SGSM1: variants seen among roughly 807,000 people sequenced by gnomAD.
The protein encoded by SGSM1 is RUN and TBC1 domain containing 2.
SGSM1 carries 73 observed loss-of-function variants against 133.8 expected under a neutral mutation model. The observed-to-expected ratio is 0.55, with a 90% confidence interval of 0.45 to 0.66. The LOEUF (loss-of-function observed/expected upper bound fraction) is 0.66. SGSM1 is among the 30% of genes least tolerant of loss of function. The pLI, the probability that SGSM1 is intolerant of heterozygous loss-of-function variation, is 0.00. For missense variants in SGSM1, 1,213 were observed against 1,448.1 expected (o/e 0.84, Z 2.64); for synonymous variants, 563 against 573.0 (o/e 0.98, Z 0.25).
intron 2 of SGSM1, among the ~76,000 whole-genome samples, chr22:24,840,171 C>T (rs559989228): frequency 6.6e-6 from 1 of 152,058 alleles, no homozygotes; most frequent in Non-Finnish European, 1.5e-5. Flanking sequence ...GTCTCGATCT[C>T]CTGACCTCGT....
At chr22:24,913,481 G>A (rs139766) in intron 22 of SGSM1, among the ~76,000 whole-genome samples, 63,404 of 151,702 alleles carry the variant, frequency 0.42, 13,750 homozygotes, top group East Asian at 0.7. Context: ...CATAGCGATT[G>A]GTATATCTAC....
chr22:24,851,421 G>A (rs1418130797), intron 5 of SGSM1, among the ~76,000 whole-genome samples: 1 of 130,664 alleles, frequency 7.7e-6, no homozygotes, highest in Non-Finnish European at 1.6e-5. Flanking sequence ...GCCCCCAAGA[G>A]GTGGCAGGAA....
chr22:24,882,367 G>A (rs938108341), intron 14 of SGSM1, among the ~76,000 whole-genome samples: 2 of 151,986 alleles, frequency 1.3e-5, no homozygotes, highest in South Asian at 2.1e-4. Flanking sequence ...ACTGTGCCCC[G>A]CCCTGTTTTT....
chr22:24,900,196 A>AT (rs1245779357), intron 19 of SGSM1, among the ~76,000 whole-genome samples: 1 of 151,456 alleles, frequency 6.6e-6, no homozygotes, highest in Non-Finnish European at 1.5e-5. Flanking sequence ...AATTTTTTGT[A>AT]TTTTTTATAG....
intron 2 of SGSM1, among the ~76,000 whole-genome samples, chr22:24,823,516 A>C (rs1928607900): frequency 6.6e-6 from 1 of 151,990 alleles, no homozygotes; most frequent in Non-Finnish European, 1.5e-5. Context: ...CAGGAGAATG[A>C]CGGGAACCTG....
chr22:24,907,276 T>C (rs994356372), intron 21 of SGSM1, among the ~76,000 whole-genome samples: 1 of 122,782 alleles, frequency 8.1e-6, no homozygotes, highest in Non-Finnish European at 1.5e-5. Context: ...AATAAATAAA[T>C]AAATAAATAA....
In SGSM1 at chr22:24,889,921, G is replaced by A. The variant is rs188817376; in HGVS notation, c.1770+3193G>A. 2.0e-5 allele frequency among the ~76,000 whole-genome samples: 3 copies of A among 148,522 alleles called. No individual in the cohort carries two copies. The Admixed American group carries it at 2.0e-4, about 10-fold the overall frequency. ...CCACTTTGGCCTCCCAAAGTGCTGG[G>A]ATTATAGGCGTGAGCCACCGGGCCT... On this transcript the variant is annotated intron_variant, in intron 16 of 24. Coordinates refer to ENST00000400358, the MANE Select transcript of SGSM1 (RefSeq NM_001098497.3).
At chr22:24,818,261 C>T (rs77995408) in intron 2 of SGSM1, among the ~76,000 whole-genome samples, 6 of 149,256 alleles carry the variant, frequency 4.0e-5, no homozygotes, top group Admixed American at 2.6e-4. Flanking sequence ...TAAAATAAAA[C>T]AAACAAAAAA....
At chr22:24,862,285 A>G (rs1931201487) in intron 9 of SGSM1, among the ~76,000 whole-genome samples, 1 of 152,082 alleles carries the variant, frequency 6.6e-6, no homozygotes, top group Admixed American at 6.5e-5. Flanking sequence ...GGCGACCATC[A>G]TGGAAGAATA....
rs1452944242 is a variant in SGSM1 at position 24,919,965 on chromosome 22, T to A, written c.3165T>A (p.Asp1055Glu). 6.2e-7 allele frequency: 1 copy of A among 1,611,246 alleles called. No homozygotes were observed. Among genetic ancestry groups the A allele is most frequent in the African/African-American group, 1.3e-5 (1 of 74,924 alleles). Residue 1055 changes from aspartate (D) to glutamate (E), a missense_variant, in exon 24 of 25, where the codon GAT (aspartate) becomes GAA (glutamate). Physicochemically the swap from Asp to Glu is conservative, Grantham distance 45 (BLOSUM62 2). Coordinates refer to ENST00000400358, the MANE Select transcript of SGSM1 (RefSeq NM_001098497.3). ...ACATCATTTTGGAGAACAACATGGA[T>A]TTCACAGACATCATCAAATTCTTTA... ...YRDIILENNM[D>E]FTDIIKFFNE... is the part of the protein sequence containing the mutation.
chr22:24,806,912 A>G (rs1353383511), intron 2 of SGSM1, among the ~76,000 whole-genome samples: 2 of 152,086 alleles, frequency 1.3e-5, no homozygotes, highest in East Asian at 3.9e-4. Context: ...GGCACGCTTC[A>G]GGAAAAGGCA....
In SGSM1 at chr22:24,859,907, C is replaced by T. The variant is rs967524736; in HGVS notation, c.926+67C>T. 12 of 1,595,592 alleles carry T rather than the reference C, an allele frequency of 7.5e-6. No individual in the cohort carries two copies. The African/African-American group carries it at 1.3e-4, about 18-fold the overall frequency. On this transcript the variant is annotated intron_variant, in intron 9 of 24. Coordinates refer to ENST00000400358, the MANE Select transcript of SGSM1 (RefSeq NM_001098497.3). Reference sequence around the variant, plus strand: ...CTCGCCTTGGCACAAGGAAGTTCCTCCCCGGGGGAGGGGAGGTTTGTATCC... The same window carrying T: ...CTCGCCTTGGCACAAGGAAGTTCCTTCCCGGGGGAGGGGAGGTTTGTATCC...
chr22:24,815,720 G>C (rs1928028262), intron 2 of SGSM1, among the ~76,000 whole-genome samples: 1 of 152,062 alleles, frequency 6.6e-6, no homozygotes, highest in Non-Finnish European at 1.5e-5. Context: ...GAGGGCGAAA[G>C]AGTGAGACTG....
chr22:24,806,261 CGGA>C lies in SGSM1; in HGVS notation c.-60_-58del. 7.3e-7 allele frequency: 1 copy of C among 1,366,258 alleles called. No homozygotes were observed. The highest frequency in any genetic ancestry group is 9.4e-7 in the Non-Finnish European group (1 of 1,062,822). The allele number at this position is 1,366,258 out of a possible 1,614,324, so 84.6% of individuals were successfully genotyped here. Reference sequence around the variant, plus strand: ...GCGGCTGCAGCAGCAGCGCCGCGGCCGGAGGAGCTACCGCCGCCACCGCCGCCA... The same window carrying C: ...GCGGCTGCAGCAGCAGCGCCGCGGCCGGAGCTACCGCCGCCACCGCCGCCA... On this transcript the variant is annotated 5_prime_UTR_variant, in exon 1 of 25. Transcript: ENST00000400358.
At chr22:24,874,479 T>C in intron 12 of SGSM1, 1 of 1,613,784 alleles carries the variant, frequency 6.2e-7, no homozygotes, top group Non-Finnish European at 8.5e-7. Flanking sequence ...TGATGGTTCC[T>C]GCAGGCCGGT....
intron 21 of SGSM1, among the ~76,000 whole-genome samples, chr22:24,905,745 C>T (rs1374955318): frequency 2.0e-5 from 3 of 147,672 alleles, no homozygotes; most frequent in African/African-American, 5.0e-5. Flanking sequence ...ACCGAGATCA[C>T]ACCACTGTAC....
At chr22:24,877,482 C>T (rs1474192564) in intron 13 of SGSM1, among the ~76,000 whole-genome samples, 1 of 152,134 alleles carries the variant, frequency 6.6e-6, no homozygotes, top group African/African-American at 2.4e-5. Context: ...ATTCATGAGA[C>T]TGATCTTGTT....
intron 2 of SGSM1, among the ~76,000 whole-genome samples, chr22:24,825,596 A>C (rs1309093454): frequency 6.6e-6 from 1 of 151,844 alleles, no homozygotes; most frequent in African/African-American, 2.4e-5. Flanking sequence ...CACCTGGCTA[A>C]TTTTTGTATT....
chr22:24,825,370 G>T (rs893202102), intron 2 of SGSM1, among the ~76,000 whole-genome samples: 5 of 152,058 alleles, frequency 3.3e-5, no homozygotes, highest in Non-Finnish European at 7.4e-5. Flanking sequence ...GTTGTTGAGG[G>T]ACCCTTGAGT....
Sources: allele counts gnomAD v4.1 joint callset (sites outside exome capture counted in the v4.1 genomes callset), GRCh38; gene constraint gnomAD v4.1.1; transcripts MANE v1.5; gene names NCBI Gene and HGNC (gene_info 2026-07-23, HGNC 2026-07-21).